The following RPS6KA2 variants were observed in gnomAD, a reference collection of about 807,000 sequenced individuals.
RPS6KA2 encodes ribosomal protein S6 kinase A2.
A neutral mutation model predicts 91.8 loss-of-function variants in RPS6KA2; 42 were observed. The observed-to-expected ratio is 0.46, with a 90% CI of 0.36 to 0.59. The LOEUF is 0.59. Among genes scored for constraint, RPS6KA2 ranks in the 20% least tolerant of loss-of-function variants. RPS6KA2 has a pLI of 0.00. For missense variants in RPS6KA2, 798 were observed against 978.5 expected (o/e 0.82, Z 2.46); for synonymous variants, 414 against 393.6 (o/e 1.05, Z -0.61).
chr6:166,857,038 A>T (rs1472829307), intron 2 of RPS6KA2, among the ~76,000 whole-genome samples: 3 of 152,224 alleles, frequency 2.0e-5, no homozygotes, highest in Non-Finnish European at 4.4e-5. Flanking sequence ...GGATAAACGT[A>T]AGGCAGCTGA....
chr6:166,796,079 T>G (rs1005668283), intron 2 of RPS6KA2, among the ~76,000 whole-genome samples: 1 of 152,158 alleles, frequency 6.6e-6, no homozygotes, highest in Non-Finnish European at 1.5e-5. Context: ...AGAGCTTTTC[T>G]TATCTGATGG....
intron 19 of RPS6KA2, among the ~76,000 whole-genome samples, chr6:166,416,293 C>CATCTTCA (rs1226489655): frequency 1.3e-5 from 2 of 151,678 alleles, no homozygotes; most frequent in Non-Finnish European, 1.5e-5. Context: ...CCCTTGCCAT[C>CATCTTCA]CCTCCTCCAT....
chr6:166,672,697 C>G (rs1268611103), intron 2 of RPS6KA2, among the ~76,000 whole-genome samples: 2 of 152,216 alleles, frequency 1.3e-5, no homozygotes, highest in African/African-American at 4.8e-5. Flanking sequence ...GGACAGAGGG[C>G]TGATCTCAGA....
intron 2 of RPS6KA2, among the ~76,000 whole-genome samples, chr6:166,672,452 A>G (rs954298392): frequency 1.3e-5 from 2 of 152,314 alleles, no homozygotes; most frequent in Admixed American, 6.5e-5. Context: ...TCGAGCTCCA[A>G]CTAGCACTGC....
At chr6:166,752,753 G>A (rs1277817590) in intron 2 of RPS6KA2, among the ~76,000 whole-genome samples, 1 of 152,182 alleles carries the variant, frequency 6.6e-6, no homozygotes, top group Non-Finnish European at 1.5e-5. Flanking sequence ...ACCATTTTAT[G>A]TGGTTGTTAG....
intron 16 of RPS6KA2, among the ~76,000 whole-genome samples, chr6:166,425,663 T>C (rs2128442863): frequency 6.6e-6 from 1 of 151,858 alleles, no homozygotes; most frequent in Admixed American, 6.6e-5. Flanking sequence ...TAGTCTCTGA[T>C]AAAACAGACT....
chr6:166,414,503 C>T (rs535586865), intron 19 of RPS6KA2, among the ~76,000 whole-genome samples: 2 of 152,340 alleles, frequency 1.3e-5, no homozygotes, highest in East Asian at 3.9e-4. Flanking sequence ...TGTACACATG[C>T]ACATACAATA....
At chr6:166,778,152 C>T (rs771743383) in intron 2 of RPS6KA2, among the ~76,000 whole-genome samples, 16 of 152,358 alleles carry the variant, frequency 1.1e-4, no homozygotes, top group Admixed American at 9.8e-4. Flanking sequence ...TCGGTGCTTA[C>T]GTTAGCCTTA....
At chr6:166,504,868 G>A (rs1782142890) in intron 5 of RPS6KA2, among the ~76,000 whole-genome samples, 1 of 152,158 alleles carries the variant, frequency 6.6e-6, no homozygotes, top group South Asian at 2.1e-4. Flanking sequence ...GTGGGGTGCT[G>A]AGATTCAGCC....
At chr6:166,553,420 A>T (rs147699926) in intron 1 of RPS6KA2, among the ~76,000 whole-genome samples, 127 of 149,350 alleles carry the variant, frequency 8.5e-4, no homozygotes, top group African/African-American at 3.1e-3. Context: ...CACCATGCCC[A>T]GCCTCCACTT....
intron 2 of RPS6KA2, among the ~76,000 whole-genome samples, chr6:166,771,303 T>A (rs1778466304): frequency 6.6e-6 from 1 of 152,214 alleles, no homozygotes; most frequent in Admixed American, 6.5e-5. Flanking sequence ...AACTCTAGTC[T>A]ATGGAAGAGG....
rs140595035 is a variant in RPS6KA2, at chr6:166,491,237, G to A, written c.748-496C>T. Among the ~76,000 whole-genome samples, 302 of 152,282 alleles carry A rather than the reference G, an allele frequency of 2.0e-3. 1 individual carries two copies. Among genetic ancestry groups the A allele is most frequent in the African/African-American group, 6.5e-3 (270 of 41,554 alleles). ...CTGACCACAGCCATTAGCCTCTGAC[G>A]AGGACAATATGGCACAGCAACCTCT... On this transcript the variant is annotated intron_variant, in intron 8 of 20. Transcript: ENST00000265678.
chr6:166,529,120 A>T (rs1055957567), intron 3 of RPS6KA2, among the ~76,000 whole-genome samples: 1 of 152,258 alleles, frequency 6.6e-6, no homozygotes, highest in Non-Finnish European at 1.5e-5. Flanking sequence ...ACACATGCAC[A>T]TGCATGTTTA....
chr6:166,569,506 G>T (rs7772291), intron 1 of RPS6KA2, among the ~76,000 whole-genome samples: 7,346 of 152,212 alleles, frequency 0.048, 619 homozygotes, highest in African/African-American at 0.17. Context: ...CTCTGCCCTC[G>T]CTGGGTCCCT....
chr6:166,838,953 G>C (rs894027056), intron 2 of RPS6KA2, among the ~76,000 whole-genome samples: 1 of 152,218 alleles, frequency 6.6e-6, no homozygotes, highest in Admixed American at 6.5e-5. Context: ...GGATGGATGG[G>C]AGTGAGGCCG....
At chr6:166,496,244 G>C (rs1333169689) in intron 8 of RPS6KA2, among the ~76,000 whole-genome samples, 5 of 151,934 alleles carry the variant, frequency 3.3e-5, no homozygotes, top group African/African-American at 1.2e-4. Flanking sequence ...CAGCTACTTG[G>C]GAGGCTGAGG....
intron 2 of RPS6KA2, among the ~76,000 whole-genome samples, chr6:166,674,194 A>T (rs1788557295): frequency 6.6e-6 from 1 of 152,262 alleles, no homozygotes; most frequent in Admixed American, 6.5e-5. Context: ...TAAATAGATT[A>T]TTTTTAAAAA....
chr6:166,509,012 G>A (rs757184753), intron 4 of RPS6KA2, among the ~76,000 whole-genome samples: 6 of 152,200 alleles, frequency 3.9e-5, no homozygotes, highest in Non-Finnish European at 7.3e-5. Flanking sequence ...GAGGCACCGC[G>A]TGGCATCTTT....
At chr6:166,454,219 G>C (rs908908457) in intron 12 of RPS6KA2, among the ~76,000 whole-genome samples, 10 of 152,168 alleles carry the variant, frequency 6.6e-5, no homozygotes, top group African/African-American at 2.4e-4. Context: ...AATAAAACAG[G>C]CTGGGCGCGG....
Sources: allele counts gnomAD v4.1 joint callset (sites outside exome capture counted in the v4.1 genomes callset), GRCh38; gene constraint gnomAD v4.1.1; transcripts MANE v1.5; gene names NCBI Gene and HGNC (gene_info 2026-07-23, HGNC 2026-07-21).